MAD2L1BP: variants seen among roughly 807,000 people sequenced by gnomAD.
MAD2L1BP encodes MAD2L1-binding protein.
A neutral mutation model predicts 28.4 loss-of-function variants in MAD2L1BP; 22 were observed. The ratio of observed to expected loss-of-function variants is 0.77; its 90% CI spans 0.55 to 1.10. The LOEUF is 1.10. Ranked by LOEUF, MAD2L1BP falls within the 50% of genes least tolerant of loss-of-function variation. The pLI is 0.00. For synonymous variants in MAD2L1BP, 146 were observed against 133.7 expected, an observed-to-expected ratio of 1.09 and a Z score of -0.63; for missense variants, 325 against 350.5, an observed-to-expected ratio of 0.93 and a Z score of 0.58.
At chr6:43,637,549 C>T (rs989348474) in intron 2 of MAD2L1BP, among the ~76,000 whole-genome samples, 4 of 151,946 alleles carry the variant, frequency 2.6e-5, no homozygotes, top group Non-Finnish European at 5.9e-5. Context: ...CCTCAGCCTC[C>T]CCAGTAGCTG....
exon 1 of MAD2L1BP, chr6:43,629,579 A>G (rs1352021927): frequency 2.8e-6 from 2 of 713,146 alleles, no homozygotes; most frequent in Non-Finnish European, 5.0e-6. Context: ...TGGGGACGCG[A>G]GGACACCAGC....
chr6:43,629,822 G>T, intron 1 of MAD2L1BP: 1 of 1,544,056 alleles, frequency 6.5e-7, no homozygotes, highest in Non-Finnish European at 8.7e-7. Context: ...GCCAAATTAC[G>T]GCTGTTATTG....
chr6:43,635,343 C>T (rs1282138399), upstream of MAD2L1BP, among the ~76,000 whole-genome samples: 1 of 152,214 alleles, frequency 6.6e-6, no homozygotes, highest in Non-Finnish European at 1.5e-5. Context: ...GTTGACTTAT[C>T]CTACAGGTCA....
upstream of MAD2L1BP, chr6:43,633,426 C>A (rs189103401): frequency 8.6e-4 from 226 of 263,556 alleles, 1 homozygote; most frequent in African/African-American, 4.8e-3. Flanking sequence ...CACACCTCGA[C>A]CTCCCAAAGT....
chr6:43,636,511 GTT>G lies in MAD2L1BP; in HGVS notation c.179_180del (p.Phe60SerfsTer15). The G allele has an allele frequency of 1.2e-6, 2 of 1,614,188 alleles. No homozygotes were observed. Among genetic ancestry groups the G allele is most frequent in the Non-Finnish European group, 1.7e-6 (2 of 1,180,040 alleles). On this transcript the variant is annotated frameshift_variant, in exon 2 of 3. Transcript: ENST00000372171. LOFTEE classifies it high-confidence loss of function. ...CAAGAGACTGCATGGTACCAGTGGT[GTT>G]TCCTGGGCCTGTGAGCCAGGAAGGC... is the stretch of plus-strand genomic sequence containing the variant. The part of the protein sequence containing the change: ...CPRDCMVPVV[F>X]PGPVSQEGCC...
At chr6:43,636,686 T>C (rs909057829) in intron 2 of MAD2L1BP, 40 bp downstream of exon 2, 18 of 1,596,874 alleles carry the variant, frequency 1.1e-5, no homozygotes, top group East Asian at 6.7e-5. Flanking sequence ...GGGAAGACTT[T>C]GTGGCTCTTA....
chr6:43,635,758 G>A, upstream of MAD2L1BP: 1 of 1,055,266 alleles, frequency 9.5e-7, no homozygotes. Context: ...CCCCCACACT[G>A]CGGCGACGCC....
upstream of MAD2L1BP, chr6:43,635,828 C>G (rs953642398): frequency 2.1e-6 from 3 of 1,440,686 alleles, no homozygotes; most frequent in African/African-American, 4.5e-5. Context: ...CATGATGCCC[C>G]GCGAGACCTT....
chr6:43,640,518 A>C lies in MAD2L1BP; in HGVS notation c.810A>C (p.Lys270Asn). Residue 270 changes from lysine (K) to asparagine (N), a missense_variant, in exon 3 of 3, where the codon AAA becomes AAC. Coordinates refer to ENST00000372171, the MANE Select transcript of MAD2L1BP (RefSeq NM_014628.3). ...GGTTCCAGGCACCAGTGACATTTAAAGGCTTCCGCGAGTGAATGAGTGCTT... is the reference window on the plus strand; with the variant it reads ...GGTTCCAGGCACCAGTGACATTTAACGGCTTCCGCGAGTGAATGAGTGCTT... ...YIWFQAPVTF[K>N]GFRE The C allele has an allele frequency of 6.3e-7, 1 of 1,590,580 alleles. No individual in the cohort carries two copies. Among genetic ancestry groups the C allele is most frequent in the South Asian group, 1.1e-5 (1 of 88,256 alleles).
intron 2 of MAD2L1BP, 193 bp downstream of exon 2, chr6:43,636,839 G>T: frequency 1.6e-6 from 1 of 637,800 alleles, no homozygotes; most frequent in Non-Finnish European, 2.7e-6. Flanking sequence ...CTTTCTTTCT[G>T]AAACTCACGT....
At chr6:43,631,988 C>T (rs1769949366), upstream of MAD2L1BP, among the ~76,000 whole-genome samples, 1 of 152,078 alleles carries the variant, frequency 6.6e-6, no homozygotes. Flanking sequence ...CAACCTCCTC[C>T]TCCCGGGTTC....
chr6:43,639,994 C>T lies in MAD2L1BP; in HGVS notation c.313-27C>T, dbSNP rs1770475903. 5 of 1,509,532 alleles carry T rather than the reference C, an allele frequency of 3.3e-6. No homozygotes were observed. The South Asian group carries it at 4.0e-5, about 12-fold the overall frequency. 93.5% of individuals were successfully genotyped at this position (1,509,532 alleles called of 1,614,324 possible). A position where few individuals can be genotyped will look rare whatever the true frequency, so the allele number is the denominator to read the frequency against. ...ATTAGCTTCCCCCTGCCTTGTTCTT[C>T]TCTCCCACCATTCTTTGTCCTCACA... is the stretch of plus-strand genomic sequence containing the variant. On this transcript the variant is annotated intron_variant, in intron 2 of 2. Coordinates refer to ENST00000372171, the MANE Select transcript of MAD2L1BP (RefSeq NM_014628.3).
At chr6:43,634,813 A>G (rs990981819), upstream of MAD2L1BP, among the ~76,000 whole-genome samples, 3 of 151,488 alleles carry the variant, frequency 2.0e-5, no homozygotes, top group Non-Finnish European at 1.5e-5. Context: ...CCTGCCTTGG[A>G]CTCCCAAAGT....
chr6:43,636,027 C>T (rs1173859520), intron 1 of MAD2L1BP, 106 bp downstream of exon 1: 2 of 1,194,522 alleles, frequency 1.7e-6, no homozygotes, highest in Non-Finnish European at 2.4e-6. Flanking sequence ...GCCCGTCTTC[C>T]CTGTCTTCCG....
chr6:43,629,773 A>G, intron 1 of MAD2L1BP: 2 of 1,562,760 alleles, frequency 1.3e-6, no homozygotes, highest in Non-Finnish European at 1.7e-6. Context: ...CGCTGGGGTG[A>G]GTCAGGGCGA....
At position 43,640,329 on chromosome 6, in the gene MAD2L1BP, A is replaced by G; in HGVS notation, c.621A>G (p.Pro207=). ...CCTTTAGCGAGCTTCAGGCTCCTCC[A>G]CTCATGGGCACCGTCGTCATGGCAC... is the stretch of plus-strand genomic sequence containing the variant. The part of the protein sequence containing the change: ...ADAFSELQAP[P]LMGTVVMAQG... Residue 207 remains proline, a synonymous_variant, in exon 3 of 3, where the codon CCA becomes CCG. Coordinates refer to ENST00000372171, the MANE Select transcript of MAD2L1BP (RefSeq NM_014628.3). The G allele has an allele frequency of 6.2e-7, 1 of 1,613,502 alleles. No homozygotes were observed. Among genetic ancestry groups the G allele is most frequent in the African/African-American group, 1.3e-5 (1 of 74,952 alleles).
At chr6:43,631,506 C>T, upstream of MAD2L1BP, among the ~76,000 whole-genome samples, 1 of 152,122 alleles carries the variant, frequency 6.6e-6, no homozygotes, top group South Asian at 2.1e-4. Flanking sequence ...TTTTTTGAGA[C>T]AAGGTCTCCC....
At chr6:43,630,908 CAA>C (rs753239311), upstream of MAD2L1BP, among the ~76,000 whole-genome samples, 4 of 53,624 alleles carry the variant, frequency 7.5e-5, no homozygotes, top group Admixed American at 2.0e-4. Flanking sequence ...GACTTCGTCT[CAA>C]AAAAAAAAAA....
chr6:43,630,162 C>T (rs995668297), intron 1 of MAD2L1BP, among the ~76,000 whole-genome samples: 1 of 152,232 alleles, frequency 6.6e-6, no homozygotes, highest in African/African-American at 2.4e-5. Flanking sequence ...GGAATAGAAA[C>T]TTGGCCTAGG....
Sources: gnomAD v4.1 joint callset for allele counts (sites outside exome capture counted in the v4.1 genomes callset) on GRCh38, gnomAD v4.1.1 for gene constraint, MANE v1.5 for transcripts, NCBI Gene and HGNC (gene_info 2026-07-23, HGNC 2026-07-21) for gene names.